The following ECM2 variants were observed in gnomAD, a reference collection of about 807,000 sequenced individuals.
ECM2 encodes extracellular matrix protein 2, female organ and adipocyte specific.
In ECM2, 57 loss-of-function variants were observed where a neutral mutation model predicts 67.5. The ratio of observed to expected loss-of-function variants is 0.84; its 90% CI spans 0.68 to 1.05. ECM2 has a LOEUF of 1.05. Among genes scored for constraint, ECM2 ranks in the 50% least tolerant of loss-of-function variants. The pLI is 0.00. For missense variants in ECM2, 741 were observed against 822.8 expected (o/e 0.90, Z 1.22); for synonymous variants, 258 against 294.5 (o/e 0.88, Z 1.27).
At chr9:92,512,367 A>G (rs1259624066) in intron 4 of ECM2, among the ~76,000 whole-genome samples, 1 of 152,250 alleles carries the variant, frequency 6.6e-6, no homozygotes, top group Non-Finnish European at 1.5e-5. Context: ...CTGTAAATAT[A>G]TCATGGTTTA....
At chr9:92,552,727 GA>G in the ECM2 span, among the ~76,000 whole-genome samples, 2 of 152,192 alleles carry the variant, frequency 1.3e-5, no homozygotes, top group East Asian at 3.9e-4. Context: ...GTTCGTTGTA[GA>G]TTCTGGTTAT....
upstream of ECM2, among the ~76,000 whole-genome samples, chr9:92,541,168 A>G (rs1563995556): frequency 6.6e-6 from 1 of 151,932 alleles, no homozygotes; most frequent in Non-Finnish European, 1.5e-5. Context: ...CTGAGGCAGG[A>G]CAATCACTTG....
intron 1 of ECM2, among the ~76,000 whole-genome samples, chr9:92,532,028 T>A (rs1400721213): frequency 3.9e-5 from 5 of 129,824 alleles, no homozygotes; most frequent in South Asian, 2.3e-4. Flanking sequence ...TTTTTTTTTT[T>A]ATTTTATTTT....
chr9:92,548,986 C>G, the ECM2 span, among the ~76,000 whole-genome samples: 2 of 152,132 alleles, frequency 1.3e-5, no homozygotes, highest in Non-Finnish European at 2.9e-5. Context: ...TCCCAAATAT[C>G]AACACTGATT....
chr9:92,546,539 A>C, the ECM2 span, among the ~76,000 whole-genome samples: 2 of 151,938 alleles, frequency 1.3e-5, no homozygotes, highest in Non-Finnish European at 2.9e-5. Flanking sequence ...GTAATAGTCA[A>C]CGCCAAGGTC....
chr9:92,533,063 C>T (rs946684347), intron 1 of ECM2, among the ~76,000 whole-genome samples: 30 of 151,484 alleles, frequency 2.0e-4, no homozygotes, highest in South Asian at 4.2e-4. Flanking sequence ...CTTTGGGAGG[C>T]CAAGGCTAGC....
At chr9:92,526,612 A>G (rs1848426925) in intron 1 of ECM2, among the ~76,000 whole-genome samples, 1 of 151,962 alleles carries the variant, frequency 6.6e-6, no homozygotes, top group African/African-American at 2.4e-5. Flanking sequence ...TATAGAAAAG[A>G]GGAATGAAAT....
chr9:92,524,027 G>C (rs1848238289), intron 1 of ECM2, among the ~76,000 whole-genome samples: 1 of 152,212 alleles, frequency 6.6e-6, no homozygotes, highest in African/African-American at 2.4e-5. Flanking sequence ...TGGTGGATCA[G>C]ACATGGCCCC....
chr9:92,497,601 G>T (rs1409598957), intron 9 of ECM2, among the ~76,000 whole-genome samples: 1 of 149,048 alleles, frequency 6.7e-6, no homozygotes, highest in African/African-American at 2.5e-5. Context: ...TTCTGCCTGG[G>T]CAACAAGAGC....
intron 7 of ECM2, 152 bp from the exon 8 acceptor site, chr9:92,502,804 CTTTT>C (rs34408968): frequency 0.021 from 6,020 of 292,746 alleles, no homozygotes; most frequent in Middle Eastern, 0.036. Context: ...TTTAAGTTGT[CTTTT>C]TTTTTTTTTT....
chr9:92,519,640 A>C (rs1177435882), intron 2 of ECM2, among the ~76,000 whole-genome samples: 1 of 152,188 alleles, frequency 6.6e-6, no homozygotes, highest in Admixed American at 6.5e-5. Context: ...ACCAAATACA[A>C]ACATTAGCTC....
At chr9:92,556,567 C>G in the ECM2 span, among the ~76,000 whole-genome samples, 6 of 152,172 alleles carry the variant, frequency 3.9e-5, no homozygotes, top group Non-Finnish European at 7.3e-5. Context: ...TTGGACAAGG[C>G]CTTTTACCAT....
the ECM2 span, among the ~76,000 whole-genome samples, chr9:92,545,202 C>T: frequency 9.9e-5 from 15 of 152,016 alleles, no homozygotes; most frequent in African/African-American, 3.4e-4. Flanking sequence ...CTGGGATGGC[C>T]GAGGCCGGAG....
the ECM2 span, among the ~76,000 whole-genome samples, chr9:92,553,209 T>A: frequency 4.6e-5 from 7 of 152,206 alleles, no homozygotes; most frequent in Non-Finnish European, 1.0e-4. Context: ...TTGTCGAAGA[T>A]CAGTTGGCTG....
intron 4 of ECM2, among the ~76,000 whole-genome samples, chr9:92,514,339 A>G (rs1847549601): frequency 6.6e-6 from 1 of 151,212 alleles, no homozygotes; most frequent in Admixed American, 6.6e-5. Context: ...CAGTGGCTCA[A>G]TCTCAGCTCA....
rs533798806 is a variant in ECM2 at position 92,496,159 on chromosome 9, A to G, written c.*156T>C. The G allele has an allele frequency of 9.3e-5, 125 of 1,338,316 alleles. No individual in the cohort carries two copies. The African/African-American group carries it at 1.8e-3, about 20-fold the overall frequency. The allele number at this position is 1,338,316 out of a possible 1,614,324, so 82.9% of individuals were successfully genotyped here. ...CTCCTAGAGACTATACCTTTTAGGT[A>G]TATTTTGGTTGTTCATCTGTGTGTT... On this transcript the variant is annotated 3_prime_UTR_variant, in exon 10 of 10. Coordinates refer to ENST00000344604, the MANE Select transcript of ECM2 (RefSeq NM_001393.4).
Position 92,495,678 on chromosome 9 carries a change from G to T in ECM2, c.*637C>A. 2.3e-6 allele frequency: 2 copies of T among 885,838 alleles called. No individual in the cohort carries two copies. The highest frequency in any genetic ancestry group is 2.7e-6 in the Non-Finnish European group (2 of 739,416). The allele number at this position is 885,838 out of a possible 1,614,324, so 54.9% of individuals were successfully genotyped here. A position where few individuals can be genotyped will look rare whatever the true frequency, so the allele number is the denominator to read the frequency against. On this transcript the variant is annotated 3_prime_UTR_variant, in exon 10 of 10. Transcript: ENST00000344604. ...AGAATTTATGCACACCCTTCTGCCA[G>T]CTTTCCTTAATGTTAACAATGTACA...
intron 1 of ECM2, among the ~76,000 whole-genome samples, chr9:92,535,583 T>C (rs1849117830): frequency 6.6e-6 from 1 of 152,138 alleles, no homozygotes; most frequent in Non-Finnish European, 1.5e-5. Flanking sequence ...GAGATGTCTA[T>C]TATCTATTTT....
the ECM2 span, among the ~76,000 whole-genome samples, chr9:92,543,567 G>C: frequency 1.5e-5 from 2 of 135,664 alleles, no homozygotes; most frequent in Non-Finnish European, 3.1e-5. Context: ...TTCTGTTTCT[G>C]TTAAGAATGA....
Sources: allele counts gnomAD v4.1 joint callset (sites outside exome capture counted in the v4.1 genomes callset), GRCh38; gene constraint gnomAD v4.1.1; transcripts MANE v1.5; gene names NCBI Gene and HGNC (gene_info 2026-07-23, HGNC 2026-07-21).